The following EPM2A variants were observed in gnomAD, a reference collection of about 807,000 sequenced individuals.
EPM2A encodes laforin.
Under a neutral mutation model 26.5 loss-of-function variants are expected in EPM2A, and 21 were observed. The ratio of observed to expected loss-of-function variants is 0.79; its 90% CI spans 0.56 to 1.14. The LOEUF is 1.14. Among genes scored for constraint, EPM2A ranks in the 50% most tolerant of loss-of-function variants. The pLI is 0.00. For missense variants in EPM2A, 458 were observed against 440.8 expected (o/e 1.04, Z -0.35); for synonymous variants, 217 against 177.6 (o/e 1.22, Z -1.76).
At chr6:145,631,324 C>T (rs535078128) in intron 3 of EPM2A, 2 of 152,254 alleles carry the variant, frequency 1.3e-5, no homozygotes, top group South Asian at 4.1e-4. Context: ...TTTGATAAGA[C>T]ATTTCCATTC....
intron 2 of EPM2A, among the ~76,000 whole-genome samples, chr6:145,509,177 T>A (rs1780019187): frequency 6.6e-6 from 1 of 152,184 alleles, no homozygotes; most frequent in African/African-American, 2.4e-5. Flanking sequence ...GAGAATATAA[T>A]TCAGGAAAAT....
chr6:145,545,726 T>C (rs1368794268), intron 2 of EPM2A, among the ~76,000 whole-genome samples: 1 of 152,184 alleles, frequency 6.6e-6, no homozygotes, highest in Admixed American at 6.5e-5. Flanking sequence ...GCTGAGCTGC[T>C]CATTGCATCT....
At chr6:145,625,011 G>A (rs1034738749), downstream of EPM2A, among the ~76,000 whole-genome samples, 6 of 152,070 alleles carry the variant, frequency 3.9e-5, no homozygotes, top group Admixed American at 6.6e-5. Flanking sequence ...TGAGAAATCC[G>A]TGATTGAAAA....
intron 4 of EPM2A, among the ~76,000 whole-genome samples, chr6:145,389,382 G>A (rs919663845): frequency 2.0e-5 from 3 of 151,872 alleles, no homozygotes; most frequent in Non-Finnish European, 4.4e-5. Context: ...AGTAGAGACG[G>A]GGTTTCACCA....
At chr6:145,415,955 G>C (rs1778702344) in intron 4 of EPM2A, among the ~76,000 whole-genome samples, 1 of 152,164 alleles carries the variant, frequency 6.6e-6, no homozygotes, top group Non-Finnish European at 1.5e-5. Flanking sequence ...ACTGGACACA[G>C]TCATATGCTT....
chr6:145,695,731 A>G (rs1252933029), intron 1 of EPM2A, among the ~76,000 whole-genome samples: 1 of 152,084 alleles, frequency 6.6e-6, no homozygotes, highest in Non-Finnish European at 1.5e-5. Flanking sequence ...AAAGGTGTCA[A>G]TTCTTCAACA....
At chr6:145,462,138 G>A (rs1779334836) in intron 4 of EPM2A, among the ~76,000 whole-genome samples, 1 of 152,078 alleles carries the variant, frequency 6.6e-6, no homozygotes, top group Non-Finnish European at 1.5e-5. Flanking sequence ...CAACAAATCT[G>A]TATTGTTTTA....
intron 1 of EPM2A, among the ~76,000 whole-genome samples, chr6:145,697,792 C>T (rs1781693570): frequency 1.3e-5 from 2 of 152,288 alleles, no homozygotes; most frequent in African/African-American, 4.8e-5. Flanking sequence ...GTTCCCTGAA[C>T]ATTGCTGCTA....
rs149168382 is a variant in EPM2A at position 145,412,021 on chromosome 6, C to T, written c.556-27924G>A. ...GATCACCAGGTCAGGAGTTCGAGGC[C>T]AGCCTGGCAAACATAGTGAAACCGT... On this transcript the variant is annotated intron_variant, in intron 4 of 4. Transcript: ENST00000638717. Among the ~76,000 whole-genome samples the T allele has an allele frequency of 2.1e-3, 316 of 152,032 alleles. 3 individuals carry two copies. The highest frequency in any genetic ancestry group is 7.1e-3 in the African/African-American group (294 of 41,482).
chr6:145,578,999 G>C (rs1273418382), intron 2 of EPM2A, among the ~76,000 whole-genome samples: 1 of 151,988 alleles, frequency 6.6e-6, no homozygotes, highest in Non-Finnish European at 1.5e-5. Flanking sequence ...CGGGGCCTGT[G>C]GTGGGGTGGG....
At chr6:145,640,072 A>G (rs1456041062) in intron 2 of EPM2A, 3 of 152,232 alleles carry the variant, frequency 2.0e-5, no homozygotes, top group Non-Finnish European at 2.9e-5. Context: ...TAACCATATC[A>G]TAATACTACA....
At chr6:145,696,610 C>T (rs757136763) in intron 1 of EPM2A, among the ~76,000 whole-genome samples, 5 of 151,898 alleles carry the variant, frequency 3.3e-5, no homozygotes, top group Non-Finnish European at 7.4e-5. Context: ...GTAACCCATA[C>T]AGCAATGATT....
At chr6:145,566,983 GA>G (rs1361320096) in intron 2 of EPM2A, among the ~76,000 whole-genome samples, 4 of 152,176 alleles carry the variant, frequency 2.6e-5, no homozygotes, top group African/African-American at 9.6e-5. Flanking sequence ...TTTGGTAAAG[GA>G]GAAACATGCT....
chr6:145,502,069 A>G (rs1883406), intron 3 of EPM2A, among the ~76,000 whole-genome samples: 68,484 of 152,106 alleles, frequency 0.45, 15,465 homozygotes, highest in South Asian at 0.58. Context: ...ATCTAATTGG[A>G]CATTGGGAGA....
intron 2 of EPM2A, among the ~76,000 whole-genome samples, chr6:145,665,690 AG>A (rs1779123348): frequency 7.0e-6 from 1 of 142,956 alleles, no homozygotes; most frequent in Non-Finnish European, 1.5e-5. Context: ...CTGATACCAA[AG>A]CCAGGCAGAG....
intron 2 of EPM2A, among the ~76,000 whole-genome samples, chr6:145,676,088 A>G (rs953524908): frequency 1.3e-5 from 2 of 152,262 alleles, no homozygotes; most frequent in Non-Finnish European, 2.9e-5. Flanking sequence ...CTCAGACCAC[A>G]GTGAAATCAA....
chr6:145,700,385 G>C (rs1781843431), intron 1 of EPM2A, among the ~76,000 whole-genome samples: 1 of 151,552 alleles, frequency 6.6e-6, no homozygotes, highest in African/African-American at 2.4e-5. Flanking sequence ...TTTCCTTCAT[G>C]GCACTCTCAG....
intron 2 of EPM2A, among the ~76,000 whole-genome samples, chr6:145,597,473 T>A (rs994614918): frequency 1.4e-3 from 191 of 141,294 alleles, no homozygotes; most frequent in African/African-American, 3.1e-3. Flanking sequence ...GTTTATTTTT[T>A]TTTCTTTTTT....
chr6:145,427,248 T>C lies in EPM2A; in HGVS notation c.556-43151A>G, dbSNP rs568990639. On this transcript the variant is annotated intron_variant, in intron 4 of 4. Coordinates refer to the EPM2A transcript ENST00000638717. ...ACCAATGACTGAGAGATATGGTAGG[T>C]GGAATTGGGCATGTGGAGTCTGTGG... 7.9e-3 allele frequency among the ~76,000 whole-genome samples: 1,197 copies of C among 152,266 alleles called. 11 individuals are homozygous for C. The highest frequency in any genetic ancestry group is 0.028 in the African/African-American group (1,152 of 41,540).
Sources: gnomAD v4.1 joint callset for allele counts (sites outside exome capture counted in the v4.1 genomes callset) on GRCh38, gnomAD v4.1.1 for gene constraint, MANE v1.5 for transcripts, NCBI Gene and HGNC (gene_info 2026-07-23, HGNC 2026-07-21) for gene names.